Variants in ARHGAP39 observed in about 807,000 individuals in gnomAD.
ARHGAP39 encodes the protein Rho GTPase activating protein 39.
In ARHGAP39, 44 loss-of-function variants were observed where a neutral mutation model predicts 106.9. The observed-to-expected ratio is 0.41, with a 90% CI of 0.32 to 0.53. The LOEUF is 0.53. Ranked by LOEUF, ARHGAP39 falls within the 20% of genes least tolerant of loss-of-function variation. ARHGAP39 has a pLI of 0.21. For synonymous variants in ARHGAP39, 768 were observed against 693.2 expected (o/e 1.11, Z -1.69); for missense variants, 1,496 against 1,577.3 (o/e 0.95, Z 0.87).
intron 1 of ARHGAP39, among the ~76,000 whole-genome samples, chr8:144,629,742 G>A (rs1197433440): frequency 2.0e-5 from 3 of 152,176 alleles, no homozygotes; most frequent in Non-Finnish European, 4.4e-5. Flanking sequence ...TGGAGAGGAC[G>A]AGACTCGGGT....
upstream of ARHGAP39, among the ~76,000 whole-genome samples, chr8:144,688,246 G>C (rs1563739976): frequency 6.6e-6 from 1 of 151,950 alleles, no homozygotes; most frequent in Non-Finnish European, 1.5e-5. Flanking sequence ...TGGGATTACA[G>C]GTGCCCACCA....
intron 3 of ARHGAP39, among the ~76,000 whole-genome samples, chr8:144,578,331 T>C (rs1337975376): frequency 2.0e-5 from 3 of 152,040 alleles, no homozygotes; most frequent in Non-Finnish European, 4.4e-5. Context: ...TGGCTTCAAG[T>C]GATTCTCCTG....
intron 3 of ARHGAP39, among the ~76,000 whole-genome samples, chr8:144,557,826 G>T (rs1453336588): frequency 1.3e-5 from 2 of 152,322 alleles, no homozygotes; most frequent in South Asian, 2.1e-4. Flanking sequence ...GTCAGGGCAA[G>T]AATTATTTAT....
rs576016482 is a variant in ARHGAP39 at position 144,641,171 on chromosome 8, G to A, written c.-81-35476C>T. On this transcript the variant is annotated intron_variant, in intron 1 of 11. Coordinates refer to ENST00000377307, the MANE Select transcript of ARHGAP39 (RefSeq NM_025251.3). This position sits in a 1 kb window ranked among gnomAD's most constrained non-coding sequence, Gnocchi z 5.2. ...TCCACCTGTTCTGCCACAGGATCAC[G>A]GGGGGAAAGACCACACCGGCTTCTG... Among the ~76,000 whole-genome samples, 10 of 152,096 alleles carry A rather than the reference G, an allele frequency of 6.6e-5. No homozygotes were observed. In the South Asian group the frequency reaches 1.5e-3, roughly 22 times the overall value.
chr8:144,584,441 A>T (rs1033923413), intron 2 of ARHGAP39, among the ~76,000 whole-genome samples: 1 of 150,758 alleles, frequency 6.6e-6, no homozygotes. Flanking sequence ...TTGTTTCCTC[A>T]GTGATGGACA....
At chr8:144,677,358 A>G (rs1822269548) in intron 1 of ARHGAP39, among the ~76,000 whole-genome samples, 1 of 152,242 alleles carries the variant, frequency 6.6e-6, no homozygotes, top group Non-Finnish European at 1.5e-5. Flanking sequence ...AAATATAGAG[A>G]GATGAGATAA....
At chr8:144,626,704 TG>T (rs920192871) in intron 1 of ARHGAP39, among the ~76,000 whole-genome samples, 1 of 152,316 alleles carries the variant, frequency 6.6e-6, no homozygotes, top group African/African-American at 2.4e-5. Flanking sequence ...ACGTACAAGG[TG>T]GACCCCCACG....
At chr8:144,581,673 G>C (rs1231790313) in intron 2 of ARHGAP39, among the ~76,000 whole-genome samples, 1 of 152,200 alleles carries the variant, frequency 6.6e-6, no homozygotes, top group Non-Finnish European at 1.5e-5. Context: ...GCTGCAACTG[G>C]ACCGCCACCT....
intron 1 of ARHGAP39, among the ~76,000 whole-genome samples, chr8:144,663,337 C>T (rs1188660279): frequency 1.3e-5 from 2 of 152,122 alleles, no homozygotes; most frequent in Non-Finnish European, 2.9e-5. Context: ...GCCTCAGGAA[C>T]CTTCCATTCC....
chr8:144,636,991 G>A (rs1282720836), intron 1 of ARHGAP39, among the ~76,000 whole-genome samples: 4 of 152,220 alleles, frequency 2.6e-5, no homozygotes, highest in African/African-American at 4.8e-5. Flanking sequence ...CTTTCTGGAA[G>A]CTTTCCGAAT....
At position 144,548,197 on chromosome 8, in the gene ARHGAP39, C is replaced by T. The variant is rs768630142; in HGVS notation, c.889G>A (p.Gly297Arg). The change falls in exon 5 of 12, where the codon GGG (glycine) becomes AGG (arginine). Residue 297 changes from glycine to arginine, a missense_variant. Gly to Arg is a moderately radical substitution (Grantham distance 125). Coordinates refer to ENST00000377307, the MANE Select transcript of ARHGAP39 (RefSeq NM_025251.3). This position sits in a 1 kb window ranked among gnomAD's most constrained non-coding sequence, Gnocchi z 7.4. ...PLLAQPRKPSGDSQPSSPRYG... is the reference protein window; with the variant it reads ...PLLAQPRKPSRDSQPSSPRYG... The stretch of plus-strand genomic sequence containing the variant: ...CGCGGGGAGGAGGGCTGCGAGTCCC[C>T]GGAGGGCTTTCGGGGCTGGGCCAGC... 4.4e-6 allele frequency: 7 copies of T among 1,589,716 alleles called. No individual in the cohort carries two copies. Among genetic ancestry groups the T allele is most frequent in the Admixed American group, 1.7e-5 (1 of 57,576 alleles).
chr8:144,645,292 G>A lies in ARHGAP39; in HGVS notation c.-81-39597C>T, dbSNP rs564484206. On this transcript the variant is annotated intron_variant, in intron 1 of 11. Coordinates refer to ENST00000377307, the MANE Select transcript of ARHGAP39 (RefSeq NM_025251.3). The surrounding 1 kb of genome is among the most constrained non-coding windows in gnomAD (Gnocchi z 4.4). ...TGAACTGAAGGCACGAGAAGTCCAG[G>A]TGTCAAGGAGAGGTTGGCCATGAGG... is the stretch of plus-strand genomic sequence containing the variant. 6.6e-6 allele frequency among the ~76,000 whole-genome samples: 1 copy of A among 152,242 alleles called. No homozygotes were observed. The highest frequency in any genetic ancestry group is 1.5e-5 in the Non-Finnish European group (1 of 68,046).
intron 4 of ARHGAP39, among the ~76,000 whole-genome samples, chr8:144,552,795 A>G (rs1817768771): frequency 6.6e-6 from 1 of 151,054 alleles, no homozygotes; most frequent in African/African-American, 2.4e-5. Context: ...TTTGTTTATA[A>G]TTTCTTTTTT....
rs369465984 is a variant in ARHGAP39, at chr8:144,617,531, A to C, written c.-81-11836T>G. Among the ~76,000 whole-genome samples the C allele has an allele frequency of 7.3e-5, 11 of 151,128 alleles. No individual in the cohort carries two copies. In the East Asian group the frequency reaches 7.9e-4, roughly 11 times the overall value. On this transcript the variant is annotated intron_variant, in intron 1 of 11. Transcript: ENST00000377307. ...GCTCAGCTGGGCATCCTGGGAACAC[A>C]GCCTTCAGGCTGAGAGCCCAGCCTT...
chr8:144,571,577 C>T (rs1245688967), intron 3 of ARHGAP39, among the ~76,000 whole-genome samples: 2 of 152,062 alleles, frequency 1.3e-5, no homozygotes, highest in Non-Finnish European at 1.5e-5. Flanking sequence ...TGAAAACTGG[C>T]CCAAGACAAG....
rs1048061764 is a variant in ARHGAP39 at position 144,664,622 on chromosome 8, T to C, written c.-82+21064A>G. 4.6e-5 allele frequency among the ~76,000 whole-genome samples: 7 copies of C among 152,210 alleles called. No individual in the cohort carries two copies. The South Asian group carries it at 6.2e-4, about 14-fold the overall frequency. On this transcript the variant is annotated intron_variant, in intron 1 of 11. Transcript: ENST00000377307. ...GTGGGAGGGACCCAGGAGGAGGTAA[T>C]TGAATCACGGGGGCTGGTCTTTCCT...
intron 1 of ARHGAP39, among the ~76,000 whole-genome samples, chr8:144,655,919 A>G (rs1163858671): frequency 6.6e-6 from 1 of 152,220 alleles, no homozygotes; most frequent in African/African-American, 2.4e-5. Context: ...AAACCTCATC[A>G]AAAGCAATGC....
chr8:144,548,110 C>A lies in ARHGAP39; in HGVS notation c.976G>T (p.Asp326Tyr). Residue 326 changes from aspartate (D) to tyrosine (Y), a missense_variant, in exon 5 of 12, where the codon GAT becomes TAT. Asp to Tyr is a radical substitution (Grantham distance 160, BLOSUM62 -3). Around this residue, in one of 4 missense-constraint regions of ARHGAP39, gnomAD observed 905 missense variants for 816.4 expected, o/e 1.11. Coordinates refer to ENST00000377307, the MANE Select transcript of ARHGAP39 (RefSeq NM_025251.3). This position sits in a 1 kb window ranked among gnomAD's most constrained non-coding sequence, Gnocchi z 7.4. The part of the protein sequence containing the change: ...PPVEYQAPIY[D>Y]EPPMDVQFEA... Reference sequence around the variant, plus strand: ...AATTGCACGTCCATGGGGGGCTCATCGTAGATGGGGGCCTGGTACTCCACT... The same window carrying A: ...AATTGCACGTCCATGGGGGGCTCATAGTAGATGGGGGCCTGGTACTCCACT... 6.3e-7 allele frequency: 1 copy of A among 1,583,520 alleles called. No individual in the cohort carries two copies.
chr8:144,549,422 T>A (rs1200917466), intron 4 of ARHGAP39, among the ~76,000 whole-genome samples: 1 of 152,270 alleles, frequency 6.6e-6, no homozygotes, highest in East Asian at 1.9e-4. Context: ...TTCCAAATGT[T>A]ACTTTTACCC....
Sources: allele counts gnomAD v4.1 joint callset (sites outside exome capture counted in the v4.1 genomes callset), GRCh38; gene constraint gnomAD v4.1.1; regional missense constraint gnomAD v4.1.1; non-coding constraint Gnocchi (gnomAD v3.1); transcripts MANE v1.5; gene names NCBI Gene and HGNC (gene_info 2026-07-23, HGNC 2026-07-21).